ANKRD18B: variants seen among roughly 807,000 people sequenced by gnomAD.
The protein encoded by ANKRD18B is ankyrin repeat domain 18B.
Under a neutral mutation model 111.8 loss-of-function variants are expected in ANKRD18B, and 75 were observed. That is an observed-to-expected ratio of 0.67 (90% CI 0.56 to 0.81). The LOEUF is 0.81. ANKRD18B is among the 40% of genes least tolerant of loss of function. The pLI, the probability that ANKRD18B is intolerant of heterozygous loss-of-function variation, is 0.00. For synonymous variants in ANKRD18B, 356 were observed against 417.3 expected (o/e 0.85, Z 1.79); for missense variants, 1,038 against 1,225.5 (o/e 0.85, Z 2.28).
chr9:33,544,402 C>T (rs1038237477), intron 10 of ANKRD18B, among the ~76,000 whole-genome samples: 4 of 152,106 alleles, frequency 2.6e-5, no homozygotes, highest in African/African-American at 4.8e-5. Flanking sequence ...AAAACATGCA[C>T]CCTGTCAGAA....
At position 33,548,236 on chromosome 9, in the gene ANKRD18B, A is replaced by C. The variant is rs1257868086; in HGVS notation, c.1448A>C (p.Lys483Thr). 2 of 1,551,146 alleles carry C rather than the reference A, an allele frequency of 1.3e-6. No homozygotes were observed. Among genetic ancestry groups the C allele is most frequent in the Admixed American group, 3.9e-5 (2 of 50,964 alleles). Residue 483 changes from lysine (K) to threonine (T), a missense_variant, in exon 11 of 19, where the codon AAA (lysine) becomes ACA (threonine). By Grantham distance (78) the Lys-to-Thr change is moderately conservative. Transcript: ENST00000684830. ...AAATTGGAGAAGGAAAAACACAACA[A>C]AGAAAGACTAGAAGCTGAAGTTGAA... is the stretch of plus-strand genomic sequence containing the variant. ...NSKLEKEKHN[K>T]ERLEAEVESL...
At position 33,548,289 on chromosome 9, in the gene ANKRD18B, A is replaced by T; in HGVS notation, c.1501A>T (p.Ile501Leu). The change falls in exon 11 of 19, where the codon ATA becomes TTA. Residue 501 changes from isoleucine to leucine, a missense_variant. This residue lies in a region of ANKRD18B where 205 missense variants were observed against 201.3 expected (regional missense o/e 1.02). Coordinates refer to ENST00000684830, the MANE Select transcript of ANKRD18B (RefSeq NM_001393611.1). ...ESLHSNLATA[I>L]NEYNEILERK... is the part of the protein sequence containing the mutation. ...CCTCCATTCTAACTTGGCCACTGCTATAAATGAGTACAATGAAATTTTGGA... is the reference window on the plus strand; with the variant it reads ...CCTCCATTCTAACTTGGCCACTGCTTTAAATGAGTACAATGAAATTTTGGA... 2 of 1,550,940 alleles carry T rather than the reference A, an allele frequency of 1.3e-6. No individual in the cohort carries two copies. Among genetic ancestry groups the T allele is most frequent in the South Asian group, 1.2e-5 (1 of 83,758 alleles).
At chr9:33,538,307 T>A (rs1828229021) in intron 6 of ANKRD18B, among the ~76,000 whole-genome samples, 2 of 152,234 alleles carry the variant, frequency 1.3e-5, no homozygotes, top group Non-Finnish European at 1.5e-5. Flanking sequence ...TTTCATATTC[T>A]TATACAAACA....
intron 12 of ANKRD18B, among the ~76,000 whole-genome samples, chr9:33,551,711 C>T (rs1828449024): frequency 6.6e-6 from 1 of 152,002 alleles, no homozygotes; most frequent in Non-Finnish European, 1.5e-5. Context: ...CTGTTGCAAA[C>T]ATTCATTTAC....
Position 33,548,812 on chromosome 9 carries a change from A to G in ANKRD18B, c.2024A>G (p.Lys675Arg), listed in dbSNP as rs749646426. The G allele has an allele frequency of 3.2e-5, 49 of 1,513,120 alleles. No individual in the cohort carries two copies. In the South Asian group the frequency reaches 6.2e-4, roughly 19 times the overall value. 93.7% of individuals were successfully genotyped at this position (1,513,120 alleles called of 1,614,324 possible). The change falls in exon 11 of 19, where the codon AAA becomes AGA. Residue 675 changes from lysine to arginine, a missense_variant. Around this residue, in one of 4 missense-constraint regions of ANKRD18B, gnomAD observed 524 missense variants for 677.9 expected, o/e 0.77. Transcript: ENST00000684830. The part of the protein sequence containing the change: ...KELMNEYNYL[K>R]EKLLQYEKEK... Reference sequence around the variant, plus strand: ...TTAATGAATGAATATAATTATTTAAAAGAAAAACTGCTTCAGTATGAAAAA... The same window carrying G: ...TTAATGAATGAATATAATTATTTAAGAGAAAAACTGCTTCAGTATGAAAAA...
rs575892877 is a variant in ANKRD18B at position 33,533,797 on chromosome 9, A to C, written c.602+252A>C. 7.4e-6 allele frequency: 5 copies of C among 679,986 alleles called. No individual in the cohort carries two copies. In the Admixed American group the frequency reaches 1.5e-4, roughly 20 times the overall value. 42.1% of individuals were successfully genotyped at this position (679,986 alleles called of 1,614,324 possible). A position where few individuals can be genotyped will look rare whatever the true frequency, so the allele number is the denominator to read the frequency against. ...TTTGATGTTTTTGTCCTGTAATCTTATATTAGCTAAAGGGGTTTTGTATTT... is the reference window on the plus strand; with the variant it reads ...TTTGATGTTTTTGTCCTGTAATCTTCTATTAGCTAAAGGGGTTTTGTATTT... On this transcript the variant is annotated intron_variant, in intron 4 of 18. Coordinates refer to ENST00000684830, the MANE Select transcript of ANKRD18B (RefSeq NM_001393611.1).
chr9:33,574,278 T>TG (rs1370256463), downstream of ANKRD18B: 1 of 171,478 alleles, frequency 5.8e-6, no homozygotes, highest in African/African-American at 2.4e-5. Context: ...CAGTGGGGCC[T>TG]GGTCAATGGA....
chr9:33,573,701 A>T (rs1237583052), downstream of ANKRD18B, among the ~76,000 whole-genome samples: 2 of 143,794 alleles, frequency 1.4e-5, no homozygotes, highest in Non-Finnish European at 3.1e-5. Context: ...GCAGGGAGGG[A>T]GGGTCTGTGG....
At chr9:33,560,393 T>C (rs1290020801) in intron 14 of ANKRD18B, among the ~76,000 whole-genome samples, 3 of 152,248 alleles carry the variant, frequency 2.0e-5, no homozygotes, top group Non-Finnish European at 4.4e-5. Flanking sequence ...GCCTCCAGTC[T>C]GCTGCTGGCA....
At chr9:33,562,964 A>G (rs1437620051) in intron 14 of ANKRD18B, among the ~76,000 whole-genome samples, 1 of 152,172 alleles carries the variant, frequency 6.6e-6, no homozygotes, top group Admixed American at 6.5e-5. Context: ...TTCAAATCAT[A>G]TGTCTTCTTG....
chr9:33,536,471 G>A lies in ANKRD18B; in HGVS notation c.741-407G>A, dbSNP rs540383336. ...ACTATTTCTCTGAACATTTAAACATGTTTTCTCATTGCATCCTCCTAATTA... is the reference window on the plus strand; with the variant it reads ...ACTATTTCTCTGAACATTTAAACATATTTTCTCATTGCATCCTCCTAATTA... On this transcript the variant is annotated intron_variant, in intron 5 of 18. Transcript: ENST00000684830. Among the ~76,000 whole-genome samples the A allele has an allele frequency of 3.3e-5, 5 of 152,300 alleles. No individual in the cohort carries two copies. In the East Asian group the frequency reaches 9.6e-4, roughly 29 times the overall value.
At chr9:33,530,898 C>G (rs902153906) in intron 3 of ANKRD18B, among the ~76,000 whole-genome samples, 1 of 152,188 alleles carries the variant, frequency 6.6e-6, no homozygotes, top group Non-Finnish European at 1.5e-5. Context: ...ATTTCATGTT[C>G]CTTTGTCACC....
chr9:33,533,064 G>A (rs893948351), intron 3 of ANKRD18B, among the ~76,000 whole-genome samples: 7 of 152,080 alleles, frequency 4.6e-5, no homozygotes, highest in South Asian at 2.1e-4. Context: ...TAAAGCATTC[G>A]CTACTATGTC....
At chr9:33,546,811 A>G (rs745408106) in intron 10 of ANKRD18B, among the ~76,000 whole-genome samples, 1 of 152,132 alleles carries the variant, frequency 6.6e-6, no homozygotes, top group Non-Finnish European at 1.5e-5. Flanking sequence ...TATCAAGTAG[A>G]TAATGGGGCT....
In ANKRD18B at chr9:33,524,705, G is replaced by A. The variant is rs749693284; in HGVS notation, c.206+10G>A. ...GCGACAGAAAAGACAGGTAGCGGGGGCTCAGCCCTCGGTGGGAGGGGGCCC... is the reference window on the plus strand; with the variant it reads ...GCGACAGAAAAGACAGGTAGCGGGGACTCAGCCCTCGGTGGGAGGGGGCCC... On this transcript the variant is annotated intron_variant, in intron 1 of 18. Coordinates refer to ENST00000684830, the MANE Select transcript of ANKRD18B (RefSeq NM_001393611.1). 37 of 1,547,746 alleles carry A rather than the reference G, an allele frequency of 2.4e-5. No homozygotes were observed. Among genetic ancestry groups the A allele is most frequent in the Non-Finnish European group, 2.9e-5 (33 of 1,145,608 alleles).
intron 6 of ANKRD18B, among the ~76,000 whole-genome samples, chr9:33,537,854 C>T (rs1308934028): frequency 2.6e-5 from 4 of 151,906 alleles, no homozygotes; most frequent in African/African-American, 7.3e-5. Flanking sequence ...GAATAAAGTA[C>T]GCTAGAGAAA....
At chr9:33,562,189 T>C (rs548697971) in intron 14 of ANKRD18B, among the ~76,000 whole-genome samples, 227 of 151,866 alleles carry the variant, frequency 1.5e-3, no homozygotes, top group African/African-American at 5.2e-3. Context: ...TGAAATAGTC[T>C]ACTATTTAGT....
rs1283285876 is a variant in ANKRD18B at position 33,548,452 on chromosome 9, A to C, written c.1664A>C (p.Asn555Thr). ...EQVHKARVKF[N>T]TLKGKLRETR... ...GTCCATAAAGCTCGGGTGAAGTTCAATACCTTAAAAGGTAAGCTCCGTGAG... is the reference window on the plus strand; with the variant it reads ...GTCCATAAAGCTCGGGTGAAGTTCACTACCTTAAAAGGTAAGCTCCGTGAG... The change falls in exon 11 of 19, where the codon AAT becomes ACT. Residue 555 changes from asparagine (N) to threonine (T), a missense_variant. By Grantham distance (65) the Asn-to-Thr change is moderately conservative (BLOSUM62 0). Coordinates refer to ENST00000684830, the MANE Select transcript of ANKRD18B (RefSeq NM_001393611.1). 11 of 1,551,178 alleles carry C rather than the reference A, an allele frequency of 7.1e-6. No homozygotes were observed. Among genetic ancestry groups the C allele is most frequent in the Non-Finnish European group, 9.6e-6 (11 of 1,146,700 alleles).
intron 9 of ANKRD18B, 49 bp downstream of exon 9, chr9:33,541,276 G>C: frequency 6.6e-7 from 1 of 1,519,652 alleles, no homozygotes; most frequent in Non-Finnish European, 8.8e-7. Context: ...GAGACTGGGA[G>C]ACAAGGGAAG....
Sources: gnomAD v4.1 joint callset for allele counts (sites outside exome capture counted in the v4.1 genomes callset) on GRCh38, gnomAD v4.1.1 for gene constraint, gnomAD v4.1.1 regional missense constraint, MANE v1.5 for transcripts, NCBI Gene and HGNC (gene_info 2026-07-23, HGNC 2026-07-21) for gene names.